The following PRKAR1B variants were observed in gnomAD, a reference collection of about 807,000 sequenced individuals.
The protein encoded by PRKAR1B is cAMP-dependent protein kinase type I-beta regulatory subunit.
A neutral mutation model predicts 46.5 loss-of-function variants in PRKAR1B; 22 were observed. The ratio of observed to expected loss-of-function variants is 0.47; its 90% confidence interval spans 0.34 to 0.68. PRKAR1B has a LOEUF of 0.68. Among genes scored for constraint, PRKAR1B ranks in the 30% least tolerant of loss-of-function variants. PRKAR1B has a pLI of 0.01. For missense variants in PRKAR1B, 445 were observed against 535.6 expected (o/e 0.83, Z 1.67); for synonymous variants, 259 against 217.7 (o/e 1.19, Z -1.67).
chr7:567,991 A>G (rs1038032239), intron 9 of PRKAR1B, among the ~76,000 whole-genome samples: 1 of 152,226 alleles, frequency 6.6e-6, no homozygotes, highest in African/African-American at 2.4e-5. Flanking sequence ...GCTTAATGCC[A>G]CTGAACTGTA....
intron 2 of PRKAR1B, among the ~76,000 whole-genome samples, chr7:684,262 C>T (rs1188306030): frequency 1.3e-5 from 2 of 152,208 alleles, no homozygotes; most frequent in East Asian, 3.9e-4. Context: ...ATGCTAATTG[C>T]CCAGCCGGGA....
chr7:616,437 G>T (rs1029170880), intron 4 of PRKAR1B, among the ~76,000 whole-genome samples: 1 of 152,252 alleles, frequency 6.6e-6, no homozygotes, highest in Non-Finnish European at 1.5e-5. Context: ...CACTGATCCG[G>T]GGGACCAGGG....
At chr7:691,862 CG>C in intron 2 of PRKAR1B, 1 of 1,157,634 alleles carries the variant, frequency 8.6e-7, no homozygotes, top group Non-Finnish European at 1.1e-6. Flanking sequence ...ACCATGACAA[CG>C]GGCCATCTCA....
At chr7:717,344 G>C (rs1780918099) in intron 1 of PRKAR1B, among the ~76,000 whole-genome samples, 1 of 151,488 alleles carries the variant, frequency 6.6e-6, no homozygotes. Flanking sequence ...AAAGGAAAAA[G>C]AAAAGAAAAG....
At chr7:653,610 T>A (rs900848834) in intron 4 of PRKAR1B, among the ~76,000 whole-genome samples, 1 of 152,114 alleles carries the variant, frequency 6.6e-6, no homozygotes, top group Non-Finnish European at 1.5e-5. Context: ...GATGGACTCA[T>A]CCAGAATGGG....
chr7:630,121 C>T (rs1583324899), intron 4 of PRKAR1B, among the ~76,000 whole-genome samples: 1 of 152,370 alleles, frequency 6.6e-6, no homozygotes, highest in African/African-American at 2.4e-5. Flanking sequence ...TGCTTCAAAG[C>T]ACAGGCCGGG....
At chr7:555,511 G>A (rs1175373766) in intron 9 of PRKAR1B, among the ~76,000 whole-genome samples, 1 of 152,178 alleles carries the variant, frequency 6.6e-6, no homozygotes, top group Non-Finnish European at 1.5e-5. Flanking sequence ...GGATGCACAG[G>A]TACCTTCAGG....
At chr7:552,995 G>A (rs1265848656) in intron 9 of PRKAR1B, among the ~76,000 whole-genome samples, 4 of 152,268 alleles carry the variant, frequency 2.6e-5, no homozygotes, top group African/African-American at 4.8e-5. Context: ...GCCGCAGCAC[G>A]TGCTACGCAC....
intron 9 of PRKAR1B, among the ~76,000 whole-genome samples, chr7:556,029 CCT>C (rs1259775641): frequency 6.6e-5 from 10 of 152,344 alleles, no homozygotes; most frequent in Non-Finnish European, 1.0e-4. Flanking sequence ...CCTCCGGGCC[CCT>C]GTCTCCCTCT....
intron 6 of PRKAR1B, among the ~76,000 whole-genome samples, chr7:599,988 C>T (rs1010338598): frequency 1.3e-4 from 19 of 150,584 alleles, no homozygotes; most frequent in African/African-American, 3.7e-4. Context: ...CACCTTCACT[C>T]GCTCACCCTC....
chr7:642,635 G>A (rs1362678970), intron 4 of PRKAR1B, among the ~76,000 whole-genome samples: 1 of 150,808 alleles, frequency 6.6e-6, no homozygotes, highest in Non-Finnish European at 1.5e-5. Flanking sequence ...TGAGGCAGGA[G>A]AATGGCGTGA....
At chr7:715,811 G>A (rs1463668575) in intron 1 of PRKAR1B, among the ~76,000 whole-genome samples, 1 of 151,988 alleles carries the variant, frequency 6.6e-6, no homozygotes, top group Non-Finnish European at 1.5e-5. Flanking sequence ...CGCCTCCCGG[G>A]TTCACGCCAT....
chr7:653,777 T>A (rs2128491238), intron 4 of PRKAR1B, among the ~76,000 whole-genome samples: 1 of 152,158 alleles, frequency 6.6e-6, no homozygotes, highest in South Asian at 2.1e-4. Flanking sequence ...GCCAAATGGG[T>A]TATATACACT....
At chr7:595,539 AG>A (rs1159430312) in intron 7 of PRKAR1B, among the ~76,000 whole-genome samples, 3 of 152,050 alleles carry the variant, frequency 2.0e-5, no homozygotes, top group Non-Finnish European at 4.4e-5. Flanking sequence ...CTCCCTGGAA[AG>A]GGTCCTCCCC....
chr7:581,164 G>A (rs1583240518), intron 8 of PRKAR1B, among the ~76,000 whole-genome samples: 1 of 152,084 alleles, frequency 6.6e-6, no homozygotes, highest in Non-Finnish European at 1.5e-5. Flanking sequence ...TTAGCCGGGT[G>A]TGGTGGCGGG....
At chr7:620,370 G>A (rs548711793) in intron 4 of PRKAR1B, among the ~76,000 whole-genome samples, 1 of 152,198 alleles carries the variant, frequency 6.6e-6, no homozygotes, top group African/African-American at 2.4e-5. Context: ...GTAATCTGTT[G>A]TCAAGCACAT....
At chr7:687,188 A>G (rs1779138999) in intron 2 of PRKAR1B, among the ~76,000 whole-genome samples, 1 of 152,186 alleles carries the variant, frequency 6.6e-6, no homozygotes, top group African/African-American at 2.4e-5. Flanking sequence ...TCAATCAAAA[A>G]CAACTCAGAT....
At chr7:568,977 G>C (rs901508094) in intron 9 of PRKAR1B, among the ~76,000 whole-genome samples, 2 of 140,908 alleles carry the variant, frequency 1.4e-5, no homozygotes, top group African/African-American at 4.9e-5. Context: ...AGGGTTGAGG[G>C]AGGGAGGAAG....
intron 9 of PRKAR1B, among the ~76,000 whole-genome samples, chr7:556,163 C>T (rs531894182): frequency 3.3e-5 from 5 of 152,280 alleles, no homozygotes; most frequent in Admixed American, 2.0e-4. Context: ...GTGAGAACCA[C>T]CATGAAGCCC....
Sources: allele counts gnomAD v4.1 joint callset (sites outside exome capture counted in the v4.1 genomes callset), GRCh38; gene constraint gnomAD v4.1.1; transcripts MANE v1.5; gene names NCBI Gene and HGNC (gene_info 2026-07-23, HGNC 2026-07-21).